Variants in ZNF99 observed in about 807,000 individuals in gnomAD.
ZNF99 encodes zinc finger protein 99.
Under a neutral mutation model 12.8 loss-of-function variants are expected in ZNF99, and 8 were observed. The observed-to-expected ratio is 0.62, with a 90% CI of 0.37 to 1.13. The LOEUF (loss-of-function observed/expected upper bound fraction) is 1.13, where lower values mean the gene tolerates loss of function less well. Among genes scored for constraint, ZNF99 ranks in the 50% most tolerant of loss-of-function variants. ZNF99 has a pLI of 0.02. For missense variants in ZNF99, 1,007 were observed against 1,006.2 expected (o/e 1.00, Z -0.01); for synonymous variants, 318 against 319.0 (o/e 1.00, Z 0.03).
chr19:22,763,904 C>CTTTT (rs965211065), intron 3 of ZNF99, among the ~76,000 whole-genome samples: 24 of 101,684 alleles, frequency 2.4e-4, no homozygotes, highest in African/African-American at 7.9e-4. Context: ...TTTTTCTTTC[C>CTTTT]TTTTTTTTTT....
chr19:22,782,914 C>G (rs547705289), intron 1 of ZNF99, among the ~76,000 whole-genome samples: 1 of 149,136 alleles, frequency 6.7e-6, no homozygotes, highest in African/African-American at 2.5e-5. Flanking sequence ...GTGATTCACC[C>G]GCCTCGGCCT....
intron 1 of ZNF99, among the ~76,000 whole-genome samples, chr19:22,783,620 T>C (rs1477966932): frequency 6.6e-6 from 1 of 152,168 alleles, no homozygotes; most frequent in Admixed American, 6.5e-5. Context: ...TGCCATCAAT[T>C]TTTAATAGGA....
At chr19:22,769,491 G>T (rs1973241906) in intron 1 of ZNF99, among the ~76,000 whole-genome samples, 167 bp from the exon 2 acceptor site, 1 of 151,754 alleles carries the variant, frequency 6.6e-6, no homozygotes, top group South Asian at 2.1e-4. Flanking sequence ...GTCTCGGCTG[G>T]GCGCAGTGGC....
rs1482686497 is a variant in ZNF99 at position 22,759,217 on chromosome 19, T to C, written c.692A>G (p.Tyr231Cys). 2 of 1,566,478 alleles carry C rather than the reference T, an allele frequency of 1.3e-6. No individual in the cohort carries two copies. Among genetic ancestry groups the C allele is most frequent in the Middle Eastern group, 1.7e-4 (1 of 6,014 alleles). ...GTTAAAAGCTTTGCCACATTTCTTA[T>C]ATTTGTAGGGTTTGTCTTCAGTATG... is the stretch of plus-strand genomic sequence containing the variant. Reference protein sequence around the residue: ...IIHTEDKPYKYKKCGKAFNIS... With the variant: ...IIHTEDKPYKCKKCGKAFNIS... Residue 231 changes from tyrosine (Y) to cysteine (C), a missense_variant, in exon 4 of 4, where the codon TAT becomes TGT. Coordinates refer to ENST00000596209, the MANE Select transcript of ZNF99 (RefSeq NM_001080409.3).
intron 1 of ZNF99, among the ~76,000 whole-genome samples, chr19:22,776,354 TAA>T (rs572280017): frequency 2.4e-5 from 2 of 82,088 alleles, no homozygotes; most frequent in Non-Finnish European, 4.7e-5. Flanking sequence ...TCATCTCAAT[TAA>T]AAAAAAAAAA....
Position 22,784,056 on chromosome 19 carries a change from T to C in ZNF99, c.-40A>G. 6.2e-7 allele frequency: 1 copy of C among 1,612,458 alleles called. No individual in the cohort carries two copies. The highest frequency in any genetic ancestry group is 8.5e-7 in the Non-Finnish European group (1 of 1,179,256). ...GGGGTCCTGGCGTCCTAGCTGTGGA[T>C]CTCCAAATACCTACAGGTCACAGGG... On this transcript the variant is annotated 5_prime_UTR_variant, in exon 1 of 4. Coordinates refer to ENST00000596209, the MANE Select transcript of ZNF99 (RefSeq NM_001080409.3).
chr19:22,783,956 TC>T, intron 1 of ZNF99, 57 bp downstream of exon 1: 1 of 1,612,634 alleles, frequency 6.2e-7, no homozygotes, highest in African/African-American at 1.3e-5. Flanking sequence ...ACAGCCACTT[TC>T]CACCGGTTCC....
chr19:22,761,446 C>T lies in ZNF99; in HGVS notation c.227-1764G>A, dbSNP rs189122743. On this transcript the variant is annotated intron_variant, in intron 3 of 3. Coordinates refer to ENST00000596209, the MANE Select transcript of ZNF99 (RefSeq NM_001080409.3). ...TTGTACAACAGGAACATATCACAAT[C>T]CTCAACATATATGCACCTAACACTG... Among the ~76,000 whole-genome samples the T allele has an allele frequency of 4.3e-3, 660 of 152,212 alleles. 7 individuals are homozygous for T. The highest frequency in any genetic ancestry group is 0.015 in the African/African-American group (629 of 41,550).
At position 22,756,041 on chromosome 19, in the gene ZNF99, G is replaced by A; in HGVS notation, c.*1273C>T. 1 of 1,128,680 alleles carries A rather than the reference G, an allele frequency of 8.9e-7. No homozygotes were observed. Among genetic ancestry groups the A allele is most frequent in the Non-Finnish European group, 1.2e-6 (1 of 804,400 alleles). The allele number at this position is 1,128,680 out of a possible 1,614,324, so 69.9% of individuals were successfully genotyped here. On this transcript the variant is annotated 3_prime_UTR_variant, in exon 4 of 4. Transcript: ENST00000596209. ...TTTGCCACATTCTTTACATTTGTGG[G>A]GTTTCTCTCCAGCATGAATTGTTTT...
Position 22,759,056 on chromosome 19 carries a change from A to G in ZNF99, c.853T>C (p.Tyr285His). The G allele has an allele frequency of 6.2e-7, 1 of 1,613,686 alleles. No homozygotes were observed. Among genetic ancestry groups the G allele is most frequent in the South Asian group, 1.1e-5 (1 of 91,058 alleles). The change falls in exon 4 of 4, where the codon TAT becomes CAT. Residue 285 changes from tyrosine (Y) to histidine (H), a missense_variant. Physicochemically the swap from Tyr to His is moderately conservative, Grantham distance 83. Transcript: ENST00000596209. The stretch of plus-strand genomic sequence containing the variant: ...GCTTTGCCACATTCTTCACATTTAT[A>G]TGGTTTCTTCCCAGTATGAATTATC... ...HKIIHTGKKPYKCEECGKAFK... is the reference protein window; with the variant it reads ...HKIIHTGKKPHKCEECGKAFK...
In ZNF99 at chr19:22,758,755, C is replaced by T. The variant is rs1366143841; in HGVS notation, c.1154G>A (p.Arg385Lys). 2 of 1,606,968 alleles carry T rather than the reference C, an allele frequency of 1.2e-6. No homozygotes were observed. Among genetic ancestry groups the T allele is most frequent in the Middle Eastern group, 1.7e-4 (1 of 6,012 alleles). The change falls in exon 4 of 4, where the codon AGA becomes AAA. Residue 385 changes from arginine (R) to lysine (K), a missense_variant. By Grantham distance (26) the Arg-to-Lys change is conservative. Transcript: ENST00000596209. ...GKAFSNLSAL[R>K]KHEIIHTGQK... ...TCCAGTATGAATTATCTCATGTTTT[C>T]TAAGGGCTGACAAATTGCTAAAAGC...
chr19:22,776,354 T>TA (rs572280017), intron 1 of ZNF99, among the ~76,000 whole-genome samples: 15,697 of 82,050 alleles, frequency 0.19, 2,225 homozygotes, highest in Non-Finnish European at 0.21. Context: ...TCATCTCAAT[T>TA]AAAAAAAAAA....
chr19:22,755,620 G>A lies in ZNF99; in HGVS notation c.*1694C>T, dbSNP rs1973040555. ...TTTTGCCAAATTCTTTAAATTTGTA[G>A]TGTTCCTCTCCAAGATAAATTATTT... On this transcript the variant is annotated 3_prime_UTR_variant, in exon 4 of 4. Transcript: ENST00000596209. The A allele has an allele frequency of 3.5e-6, 1 of 283,694 alleles. No homozygotes were observed. Among genetic ancestry groups the A allele is most frequent in the Non-Finnish European group, 7.2e-6 (1 of 139,198 alleles). The allele number at this position is 283,694 out of a possible 1,614,324, so 17.6% of individuals were successfully genotyped here. A position where few individuals can be genotyped will look rare whatever the true frequency, so the allele number is the denominator to read the frequency against.
At chr19:22,769,543 A>C (rs549709715) in intron 1 of ZNF99, among the ~76,000 whole-genome samples, 251 of 152,192 alleles carry the variant, frequency 1.6e-3, no homozygotes, top group African/African-American at 5.8e-3. Context: ...CAAGGCAGGA[A>C]GATCACGAAG....
rs1243381201 is a variant in ZNF99, at chr19:22,756,566, T to G, written c.*748A>C. ...GGTTTCTCTCCAGTATGAATTGATT[T>G]ATGTTTAGTAAGGTGTGAGGATTGC... is the stretch of plus-strand genomic sequence containing the variant. On this transcript the variant is annotated 3_prime_UTR_variant, in exon 4 of 4. Transcript: ENST00000596209. The G allele has an allele frequency of 1.9e-6, 3 of 1,598,926 alleles. No homozygotes were observed. Among genetic ancestry groups the G allele is most frequent in the Non-Finnish European group, 2.6e-6 (3 of 1,176,016 alleles).
chr19:22,779,302 G>A (rs1568388702), intron 1 of ZNF99, among the ~76,000 whole-genome samples: 1 of 152,082 alleles, frequency 6.6e-6, no homozygotes, highest in Non-Finnish European at 1.5e-5. Context: ...GAGGCAGGCG[G>A]ATCAAAAGGT....
At chr19:22,780,691 C>CAAA (rs34311189) in intron 1 of ZNF99, among the ~76,000 whole-genome samples, 3 of 111,828 alleles carry the variant, frequency 2.7e-5, no homozygotes, top group East Asian at 2.5e-4. Flanking sequence ...AACTCTGTTT[C>CAAA]AAAAAAAAAA....
intron 1 of ZNF99, 47 bp from the exon 2 acceptor site, chr19:22,769,371 G>C (rs760488781): frequency 6.4e-7 from 1 of 1,564,804 alleles, no homozygotes. Context: ...ATTGGCCATG[G>C]ACAGAATTTT....
chr19:22,768,495 A>G (rs1973229437), intron 2 of ZNF99, 95 bp from the exon 3 acceptor site: 2 of 977,730 alleles, frequency 2.0e-6, no homozygotes, highest in Non-Finnish European at 1.5e-6. Context: ...TAGTAAATTG[A>G]TCCCTCAATA....
Sources: gnomAD v4.1 joint callset for allele counts (sites outside exome capture counted in the v4.1 genomes callset) on GRCh38, gnomAD v4.1.1 for gene constraint, MANE v1.5 for transcripts, NCBI Gene and HGNC (gene_info 2026-07-23, HGNC 2026-07-21) for gene names.